Variants in EIF2D observed in about 807,000 individuals in gnomAD.
The protein encoded by EIF2D is hepatocellular carcinoma-associated antigen 56.
In EIF2D, 56 loss-of-function variants were observed where a neutral mutation model predicts 77.4. That is an observed-to-expected ratio of 0.72 (90% CI 0.58 to 0.90). The LOEUF (loss-of-function observed/expected upper bound fraction) is 0.90. Ranked by LOEUF, EIF2D falls within the 40% of genes least tolerant of loss-of-function variation. The pLI is 0.00. For missense variants in EIF2D, 574 were observed against 706.5 expected (o/e 0.81, Z 2.13); for synonymous variants, 230 against 271.0 (o/e 0.85, Z 1.49).
At chr1:206,593,541 G>GTGTGTGTGTT in intron 14 of EIF2D, 78 bp downstream of exon 14, 1 of 1,098,826 alleles carries the variant, frequency 9.1e-7, no homozygotes, top group Non-Finnish European at 1.3e-6. Context: ...GTGTGTGTGT[G>GTGTGTGTGTT]TATTATGCAA....
chr1:206,594,293 A>C (rs1475823379), intron 13 of EIF2D: 1 of 152,272 alleles, frequency 6.6e-6, no homozygotes, highest in Non-Finnish European at 1.5e-5. Context: ...ATAAAAACAA[A>C]ACCATCATCA....
chr1:206,594,408 C>T (rs1443644501), intron 13 of EIF2D: 1 of 152,212 alleles, frequency 6.6e-6, no homozygotes, highest in Non-Finnish European at 1.5e-5. Flanking sequence ...AAGTATGTGA[C>T]TTTGAGATAA....
chr1:206,584,380 C>T lies in EIF2D; in HGVS notation c.139-3218G>A, dbSNP rs370014803. 6.2e-7 allele frequency: 1 copy of T among 1,605,552 alleles called. No individual in the cohort carries two copies. Among genetic ancestry groups the T allele is most frequent in the Admixed American group, 1.7e-5 (1 of 59,592 alleles). On this transcript the variant is annotated intron_variant and NMD_transcript_variant, in intron 2 of 5. Coordinates refer to the EIF2D transcript ENST00000472709. The surrounding 1 kb of genome is among the most constrained non-coding windows in gnomAD (Gnocchi z 4.9). ...CCTGACCCCCTGTGACATGCCCCCG[C>T]TGGCAGAGTGAAGACGGCACCTACA...
downstream of EIF2D, chr1:206,588,485 A>C (rs1430118985): frequency 6.6e-6 from 1 of 152,366 alleles, no homozygotes; most frequent in Non-Finnish European, 1.5e-5. Context: ...TTTTCAAAGC[A>C]GGGCTGGTTT....
intron 5 of EIF2D, among the ~76,000 whole-genome samples, chr1:206,571,654 T>C (rs1340020490): frequency 6.6e-6 from 1 of 152,280 alleles, no homozygotes; most frequent in African/African-American, 2.4e-5. Flanking sequence ...CCACTAATTC[T>C]AGATAAGAGT....
chr1:206,588,816 G>C (rs1228993642), downstream of EIF2D: 1 of 152,670 alleles, frequency 6.6e-6, no homozygotes, highest in East Asian at 1.9e-4. Flanking sequence ...TATATTAAAG[G>C]GAGCAGGTGG....
chr1:206,610,377 G>GA (rs1214543125), intron 2 of EIF2D, among the ~76,000 whole-genome samples: 1 of 152,130 alleles, frequency 6.6e-6, no homozygotes, highest in Non-Finnish European at 1.5e-5. Flanking sequence ...AACGTAGCCA[G>GA]ACATGGTGGC....
rs1670512162 is a variant in EIF2D, at chr1:206,611,837, TACC to T, written c.56+447_56+449del. Among the ~76,000 whole-genome samples, 2 of 152,270 alleles carry T rather than the reference TACC, an allele frequency of 1.3e-5. 1 individual carries two copies. Among genetic ancestry groups the T allele is most frequent in the South Asian group, 4.1e-4 (2 of 4,838 alleles). The stretch of plus-strand genomic sequence containing the variant: ...CTGTCTGAACAGATACAGTTCTTCT[TACC>T]ACATGTGCCTTATTCCCTCCCACCT... On this transcript the variant is annotated intron_variant, in intron 1 of 14. Transcript: ENST00000271764.
intron 4 of EIF2D, among the ~76,000 whole-genome samples, chr1:206,573,306 A>G (rs1265325718): frequency 1.4e-4 from 21 of 152,182 alleles, no homozygotes; most frequent in African/African-American, 4.8e-4. Flanking sequence ...AAATTTATAG[A>G]TGAAGAAACT....
chr1:206,582,267 C>T (rs1244873977), intron 2 of EIF2D, among the ~76,000 whole-genome samples: 1 of 152,180 alleles, frequency 6.6e-6, no homozygotes, highest in Non-Finnish European at 1.5e-5. Flanking sequence ...CCTCAATCTC[C>T]TCAATTTCAT....
rs1413335786 is a variant in EIF2D at position 206,608,228 on chromosome 1, C to A, written c.422+8G>T. 1.9e-6 allele frequency: 3 copies of A among 1,611,064 alleles called. No homozygotes were observed. The highest frequency in any genetic ancestry group is 2.5e-6 in the Non-Finnish European group (3 of 1,178,290). ...TTCCCCCAAAGGCACAGTTGCCTGG[C>A]ACAGTACCTGTTCCCCACCAAAGAA... is the stretch of plus-strand genomic sequence containing the variant. On this transcript the variant is annotated splice_region_variant and intron_variant, in intron 4 of 14. Transcript: ENST00000271764.
chr1:206,581,612 G>A (rs1340750797), intron 2 of EIF2D, among the ~76,000 whole-genome samples: 3 of 143,026 alleles, frequency 2.1e-5, no homozygotes, highest in Non-Finnish European at 4.7e-5. Context: ...AAGAAAGAAA[G>A]AGAGAGAGAC....
intron 4 of EIF2D, among the ~76,000 whole-genome samples, chr1:206,576,991 T>TG (rs1301592985): frequency 1.3e-5 from 2 of 150,982 alleles, no homozygotes; most frequent in Non-Finnish European, 1.5e-5. Context: ...TTTTTTTTTT[T>TG]GTAGAGACAG....
At position 206,603,183 on chromosome 1, in the gene EIF2D, A is replaced by C. The variant is rs1553411833; in HGVS notation, c.552T>G (p.Ser184=). The C allele has an allele frequency of 1.9e-6, 3 of 1,613,780 alleles. No individual in the cohort carries two copies. In the East Asian group the frequency reaches 6.7e-5, roughly 36 times the overall value. Residue 184 remains serine (S), a synonymous_variant, in exon 6 of 15, where the codon TCT becomes TCG. Transcript: ENST00000271764. ...GGGCCAGTGGAGCAATGGAAGGTGG[A>C]GAGGACTTGTTTCCAGACCGCCTGG... ...DHLWRSGNKS[S]PPSIAPLALD...
chr1:206,581,847 G>C (rs538196815), intron 2 of EIF2D, among the ~76,000 whole-genome samples: 1 of 152,204 alleles, frequency 6.6e-6, no homozygotes, highest in Admixed American at 6.5e-5. Flanking sequence ...ATGGCTTGCT[G>C]AAGGGAGGAA....
intron 4 of EIF2D, among the ~76,000 whole-genome samples, chr1:206,576,061 G>T (rs782271859): frequency 2.6e-5 from 4 of 152,138 alleles, no homozygotes; most frequent in Non-Finnish European, 4.4e-5. Flanking sequence ...AGCCAAGCGG[G>T]GTGCCAAAAA....
exon 5 of EIF2D, chr1:206,572,619 T>G (rs1668487482): frequency 6.6e-6 from 1 of 152,198 alleles, no homozygotes; most frequent in Non-Finnish European, 1.5e-5. Context: ...CTGGAAAGTA[T>G]GGTCACTTCT....
intron 5 of EIF2D, among the ~76,000 whole-genome samples, chr1:206,603,786 C>T (rs1463458747): frequency 2.0e-5 from 3 of 152,160 alleles, no homozygotes; most frequent in Non-Finnish European, 4.4e-5. Context: ...ACAGGCGATG[C>T]CACATAGCAA....
At chr1:206,577,372 G>A (rs184062432) in intron 4 of EIF2D, among the ~76,000 whole-genome samples, 10 of 152,236 alleles carry the variant, frequency 6.6e-5, no homozygotes, top group South Asian at 4.1e-4. Flanking sequence ...TGCTTTCCTG[G>A]GATGATAGTC....
Sources: gnomAD v4.1 joint callset for allele counts (sites outside exome capture counted in the v4.1 genomes callset) on GRCh38, gnomAD v4.1.1 for gene constraint, Gnocchi (gnomAD v3.1) non-coding constraint, MANE v1.5 for transcripts, NCBI Gene and HGNC (gene_info 2026-07-23, HGNC 2026-07-21) for gene names.